The following WDR70 variants were observed in gnomAD, a reference collection of about 807,000 sequenced individuals.
WDR70 encodes WD repeat domain 70.
A neutral mutation model predicts 88.6 loss-of-function variants in WDR70; 53 were observed. That is an observed-to-expected ratio of 0.60 (90% confidence interval 0.48 to 0.75). The LOEUF is 0.75. Among genes scored for constraint, WDR70 ranks in the 30% least tolerant of loss-of-function variants. The pLI is 0.00. For synonymous variants in WDR70, 280 were observed against 270.0 expected (o/e 1.04, Z -0.36); for missense variants, 610 against 823.2 (o/e 0.74, Z 3.17).
intron 10 of WDR70, chr5:37,688,052 T>G (rs948546992): frequency 2.3e-5 from 13 of 573,546 alleles, no homozygotes; most frequent in Non-Finnish European, 4.1e-5. Context: ...TGCATACACA[T>G]CTATATGCAT....
intron 3 of WDR70, among the ~76,000 whole-genome samples, chr5:37,387,293 G>A (rs1424526907): frequency 6.6e-6 from 1 of 151,890 alleles, no homozygotes; most frequent in Admixed American, 6.6e-5. Context: ...TAAGATGTTG[G>A]GTGTAGTAGC....
intron 8 of WDR70, among the ~76,000 whole-genome samples, chr5:37,514,082 G>A (rs972903657): frequency 6.6e-6 from 1 of 151,774 alleles, no homozygotes; most frequent in Non-Finnish European, 1.5e-5. Flanking sequence ...TGGTACAGTT[G>A]TAGCTCACTG....
chr5:37,388,666 G>A (rs1290171029), intron 3 of WDR70, among the ~76,000 whole-genome samples: 2 of 151,218 alleles, frequency 1.3e-5, no homozygotes, highest in African/African-American at 4.8e-5. Flanking sequence ...CTTGAACCTA[G>A]GAGGTGAAGG....
intron 5 of WDR70, among the ~76,000 whole-genome samples, chr5:37,431,677 A>G (rs1170886194): frequency 6.6e-6 from 1 of 152,178 alleles, no homozygotes; most frequent in African/African-American, 2.4e-5. Context: ...TCATTTTGCT[A>G]ACTGAAACTC....
intron 3 of WDR70, among the ~76,000 whole-genome samples, chr5:37,390,530 C>T (rs1220429423): frequency 4.0e-5 from 6 of 150,874 alleles, no homozygotes; most frequent in East Asian, 2.0e-4. Context: ...TTAGTAGAGA[C>T]GGGGTTTCAC....
chr5:37,397,589 T>C (rs907072347), intron 5 of WDR70, among the ~76,000 whole-genome samples: 6 of 152,154 alleles, frequency 3.9e-5, no homozygotes, highest in Non-Finnish European at 8.8e-5. Context: ...AAGTAGAAGA[T>C]GGGAGAGTGA....
chr5:37,591,652 C>T (rs903134582), intron 9 of WDR70, among the ~76,000 whole-genome samples: 20 of 152,084 alleles, frequency 1.3e-4, no homozygotes, highest in African/African-American at 2.7e-4. Flanking sequence ...CTTCCAGAAA[C>T]TAAAAGAAGA....
intron 8 of WDR70, among the ~76,000 whole-genome samples, chr5:37,485,731 G>C (rs937336010): frequency 6.6e-6 from 1 of 151,726 alleles, no homozygotes; most frequent in Non-Finnish European, 1.5e-5. Context: ...TCACTCTGTT[G>C]CTCAGGCTGG....
chr5:37,675,546 A>G (rs928539123), intron 10 of WDR70, among the ~76,000 whole-genome samples: 5 of 151,916 alleles, frequency 3.3e-5, no homozygotes, highest in African/African-American at 1.2e-4. Flanking sequence ...ATAGTTGTAG[A>G]TATGCAGCAT....
intron 8 of WDR70, among the ~76,000 whole-genome samples, chr5:37,502,023 C>T (rs769972780): frequency 7.9e-5 from 12 of 152,036 alleles, no homozygotes; most frequent in Non-Finnish European, 1.8e-4. Flanking sequence ...TTGCTTTGGG[C>T]AGTATGATCA....
intron 9 of WDR70, among the ~76,000 whole-genome samples, chr5:37,559,706 G>T (rs1181415473): frequency 6.6e-6 from 1 of 152,040 alleles, no homozygotes; most frequent in South Asian, 2.1e-4. Flanking sequence ...TTAGCTGGGG[G>T]TGGTGGCACA....
intron 9 of WDR70, among the ~76,000 whole-genome samples, chr5:37,520,072 C>T (rs1454206903): frequency 6.6e-6 from 1 of 152,064 alleles, no homozygotes; most frequent in Non-Finnish European, 1.5e-5. Flanking sequence ...CACAGGAATG[C>T]ACTTCGTATG....
intron 11 of WDR70, chr5:37,700,569 A>C (rs1195130547): frequency 6.5e-6 from 1 of 152,982 alleles, no homozygotes; most frequent in Non-Finnish European, 1.5e-5. Flanking sequence ...GCTCACCCTT[A>C]TTAATGTTAA....
At chr5:37,634,305 AAAAAAAG>A (rs1744899890) in intron 10 of WDR70, among the ~76,000 whole-genome samples, 1 of 151,456 alleles carries the variant, frequency 6.6e-6, no homozygotes, top group African/African-American at 2.4e-5. Context: ...TCTCAAAAAA[AAAAAAAG>A]AAAAAAAAGA....
intron 10 of WDR70, among the ~76,000 whole-genome samples, chr5:37,684,666 A>C (rs550421598): frequency 2.6e-5 from 4 of 152,282 alleles, no homozygotes; most frequent in East Asian, 3.9e-4. Context: ...TTAGGAACCC[A>C]TTGTGCTGGG....
At chr5:37,392,176 A>T in intron 4 of WDR70, 56 bp downstream of exon 4, 3 of 1,361,108 alleles carry the variant, frequency 2.2e-6, no homozygotes, top group Non-Finnish European at 3.0e-6. Flanking sequence ...GTGTTTATAG[A>T]GTTTTTTTTT....
intron 17 of WDR70, among the ~76,000 whole-genome samples, chr5:37,728,297 A>T (rs1210928377): frequency 6.7e-6 from 1 of 150,066 alleles, no homozygotes; most frequent in African/African-American, 2.5e-5. Flanking sequence ...GCAGTGAGCC[A>T]GGATCACACC....
intron 7 of WDR70, among the ~76,000 whole-genome samples, chr5:37,455,243 CTTTTT>C (rs544303522): frequency 1.6e-5 from 2 of 123,106 alleles, no homozygotes; most frequent in Admixed American, 8.4e-5. Context: ...TTCTTTCTTT[CTTTTT>C]TTTTTTTTTT....
intron 13 of WDR70, among the ~76,000 whole-genome samples, chr5:37,720,016 A>G (rs1019792242): frequency 6.6e-6 from 1 of 151,804 alleles, no homozygotes; most frequent in Non-Finnish European, 1.5e-5. Context: ...CTGGGAATCA[A>G]TGTTCTATCA....
Sources: allele counts gnomAD v4.1 joint callset (sites outside exome capture counted in the v4.1 genomes callset), GRCh38; gene constraint gnomAD v4.1.1; transcripts MANE v1.5; gene names NCBI Gene and HGNC (gene_info 2026-07-23, HGNC 2026-07-21).